The following ZNF248 variants were observed in gnomAD, a reference collection of about 807,000 sequenced individuals.
ZNF248 encodes KRAB protein domain.
In ZNF248, 20 loss-of-function variants were observed where a neutral mutation model predicts 44.3. The ratio of observed to expected loss-of-function variants is 0.45; its 90% CI spans 0.32 to 0.66. The LOEUF (loss-of-function observed/expected upper bound fraction) is 0.66, where lower values mean the gene tolerates loss of function less well. Ranked by LOEUF, ZNF248 falls within the 30% of genes least tolerant of loss-of-function variation. The pLI, the probability that ZNF248 is intolerant of heterozygous loss-of-function variation, is 0.04. For synonymous variants in ZNF248, 224 were observed against 229.0 expected (o/e 0.98, Z 0.20); for missense variants, 654 against 677.0 (o/e 0.97, Z 0.38).
Position 37,795,775 on chromosome 10 carries a change from T to G in ZNF248, c.331-19200A>C, listed in dbSNP as rs552515193. On this transcript the variant is annotated intron_variant, in intron 6 of 6. Coordinates refer to the ZNF248 transcript ENST00000615949. ...ATTAATTCTGAAATATATTTCAAAT[T>G]TTTATCATATGAATCATATTACTGA... 534 of 152,340 alleles carry G rather than the reference T, an allele frequency of 3.5e-3. 3 individuals are homozygous for G. Among genetic ancestry groups the G allele is most frequent in the African/African-American group, 0.012 (508 of 41,578 alleles). The allele number at this position is 152,340 out of a possible 1,614,324, so 9.4% of individuals were successfully genotyped here.
chr10:37,790,994 G>A (rs1447290996), intron 6 of ZNF248, among the ~76,000 whole-genome samples: 2 of 146,788 alleles, frequency 1.4e-5, no homozygotes, highest in Non-Finnish European at 3.0e-5. Flanking sequence ...TCCCACCTTG[G>A]GGCTGAAAAA....
At chr10:37,780,884 G>A (rs2047225357) in intron 6 of ZNF248, among the ~76,000 whole-genome samples, 1 of 152,160 alleles carries the variant, frequency 6.6e-6, no homozygotes, top group Non-Finnish European at 1.5e-5. Flanking sequence ...TAGAGCTGAA[G>A]GTTCCGGGGC....
At chr10:37,821,397 T>C (rs1272272440) in intron 6 of ZNF248, among the ~76,000 whole-genome samples, 3 of 152,206 alleles carry the variant, frequency 2.0e-5, no homozygotes, top group Admixed American at 1.3e-4. Context: ...TGGATGTATA[T>C]GCAGGCCTCA....
At chr10:37,828,396 C>G (rs558233482), downstream of ZNF248, among the ~76,000 whole-genome samples, 10 of 152,220 alleles carry the variant, frequency 6.6e-5, no homozygotes, top group South Asian at 6.2e-4. Context: ...GTGTTGTGGA[C>G]TGACTTTCAA....
intron 6 of ZNF248, chr10:37,803,632 T>G (rs1350752044): frequency 3.3e-5 from 5 of 152,320 alleles, no homozygotes; most frequent in African/African-American, 1.2e-4. Context: ...AGTGTGACCT[T>G]CCACGTGGGT....
In ZNF248 at chr10:37,829,479, A is replaced by G. The variant is rs1208068289; in HGVS notation, c.*2136T>C. 3 of 985,244 alleles carry G rather than the reference A, an allele frequency of 3.0e-6. No individual in the cohort carries two copies. Among genetic ancestry groups the G allele is most frequent in the Non-Finnish European group, 3.6e-6 (3 of 829,926 alleles). The allele number at this position is 985,244 out of a possible 1,614,324, so 61.0% of individuals were successfully genotyped here. A position where few individuals can be genotyped will look rare whatever the true frequency, so the allele number is the denominator to read the frequency against. On this transcript the variant is annotated 3_prime_UTR_variant, in exon 6 of 6. Transcript: ENST00000395867. ...ATTCTTCCCCCTAATTACCATATAG[A>G]ACATTAACACTTAGAAAAATATTCC...
At chr10:37,833,457 A>G (rs967772337) in intron 5 of ZNF248, among the ~76,000 whole-genome samples, 4 of 152,170 alleles carry the variant, frequency 2.6e-5, no homozygotes, top group African/African-American at 9.7e-5. Context: ...AATGGGGTGA[A>G]CCCAACAGAG....
chr10:37,833,410 C>G (rs770205160), intron 5 of ZNF248, among the ~76,000 whole-genome samples: 5 of 152,130 alleles, frequency 3.3e-5, no homozygotes, highest in Non-Finnish European at 5.9e-5. Flanking sequence ...CACAGGGAAC[C>G]AGAGTGGCTG....
At chr10:37,790,397 T>C (rs1392472665) in intron 6 of ZNF248, among the ~76,000 whole-genome samples, 7 of 150,384 alleles carry the variant, frequency 4.7e-5, no homozygotes, top group Admixed American at 3.3e-4. Flanking sequence ...CTGTGCAACA[T>C]AGGGAGACGC....
At chr10:37,825,427 G>A (rs769288854), downstream of ZNF248, among the ~76,000 whole-genome samples, 17 of 152,060 alleles carry the variant, frequency 1.1e-4, no homozygotes, top group Non-Finnish European at 1.6e-4. Context: ...AATGGTGGGC[G>A]CACATTTCCA....
chr10:37,842,035 T>C (rs1236292142), intron 3 of ZNF248, among the ~76,000 whole-genome samples: 1 of 152,146 alleles, frequency 6.6e-6, no homozygotes, highest in Non-Finnish European at 1.5e-5. Flanking sequence ...AAAATCCCAA[T>C]AAAGTGGTCA....
At chr10:37,815,559 T>C (rs200907) in intron 6 of ZNF248, among the ~76,000 whole-genome samples, 34,365 of 151,984 alleles carry the variant, frequency 0.23, 4,045 homozygotes, top group East Asian at 0.4. Flanking sequence ...CACATTATCT[T>C]TTAGCTTTTT....
chr10:37,786,720 AT>A (rs1421529899), intron 6 of ZNF248, among the ~76,000 whole-genome samples: 1 of 152,108 alleles, frequency 6.6e-6, no homozygotes, highest in Admixed American at 6.6e-5. Context: ...CTTTCTCAAA[AT>A]TCATTTTGTA....
intron 6 of ZNF248, chr10:37,819,174 TATTTAAGTACTTTAAAGC>T (rs2053059830): frequency 1.6e-5 from 13 of 792,170 alleles, no homozygotes; most frequent in South Asian, 1.6e-4. Context: ...GGTTTTATTT[TATTTAAGTACTTTAAAGC>T]ATTTACAGTC....
At position 37,856,491 on chromosome 10, in the gene ZNF248, T is replaced by A; in HGVS notation, c.-84A>T. On this transcript the variant is annotated 5_prime_UTR_variant, in exon 2 of 6. Transcript: ENST00000395867. ...CTCAGACATGACACTTTTCACTGAGTGAATGTAAATATTTCTTATTGATTT... is the reference window on the plus strand; with the variant it reads ...CTCAGACATGACACTTTTCACTGAGAGAATGTAAATATTTCTTATTGATTT... 7.9e-7 allele frequency: 1 copy of A among 1,261,346 alleles called. No homozygotes were observed. Among genetic ancestry groups the A allele is most frequent in the Non-Finnish European group, 1.0e-6 (1 of 1,000,392 alleles). 78.1% of individuals were successfully genotyped at this position (1,261,346 alleles called of 1,614,324 possible).
the ZNF248 span, among the ~76,000 whole-genome samples, chr10:37,761,954 A>G: frequency 6.6e-6 from 1 of 152,230 alleles, no homozygotes; most frequent in African/African-American, 2.4e-5. Flanking sequence ...TCTTACCTCA[A>G]GACCAAAAGA....
Position 37,831,133 on chromosome 10 carries a change from GTAGT to G in ZNF248, c.*478_*481del. The G allele has an allele frequency of 2.1e-6, 3 of 1,455,240 alleles. No individual in the cohort carries two copies. Among genetic ancestry groups the G allele is most frequent in the Non-Finnish European group, 2.7e-6 (3 of 1,102,240 alleles). 90.1% of individuals were successfully genotyped at this position (1,455,240 alleles called of 1,614,324 possible). A position where few individuals can be genotyped will look rare whatever the true frequency, so the allele number is the denominator to read the frequency against. On this transcript the variant is annotated 3_prime_UTR_variant, in exon 6 of 6. Transcript: ENST00000395867. ...GTAGAAAATATTAACAAATACCATAGTAGTTACTCAATTAAGGGTACGTATCTTC... is the reference window on the plus strand; with the variant it reads ...GTAGAAAATATTAACAAATACCATAGTACTCAATTAAGGGTACGTATCTTC...
At chr10:37,792,819 A>C (rs2133093670) in intron 6 of ZNF248, among the ~76,000 whole-genome samples, 1 of 152,328 alleles carries the variant, frequency 6.6e-6, no homozygotes, top group Admixed American at 6.5e-5. Flanking sequence ...AACTGATATA[A>C]CAACTAAACA....
At chr10:37,781,269 G>C (rs1253075208) in intron 6 of ZNF248, among the ~76,000 whole-genome samples, 2 of 152,080 alleles carry the variant, frequency 1.3e-5, no homozygotes, top group African/African-American at 4.8e-5. Flanking sequence ...TTTTCCATGG[G>C]AGCCCACGTG....
Sources: allele counts gnomAD v4.1 joint callset (sites outside exome capture counted in the v4.1 genomes callset), GRCh38; gene constraint gnomAD v4.1.1; transcripts MANE v1.5; gene names NCBI Gene and HGNC (gene_info 2026-07-23, HGNC 2026-07-21).